Variants in SRPK2 observed in about 807,000 individuals in gnomAD.
The protein encoded by SRPK2 is SRSF protein kinase 2, also known as SFRS protein kinase 2.
A neutral mutation model predicts 90.8 loss-of-function variants in SRPK2; 21 were observed. The ratio of observed to expected loss-of-function variants is 0.23; its 90% CI spans 0.16 to 0.33. SRPK2 has a LOEUF of 0.33. SRPK2 is among the 10% of genes least tolerant of loss of function. The pLI is 1.00. For synonymous variants in SRPK2, 288 were observed against 311.1 expected (o/e 0.93, Z 0.78); for missense variants, 620 against 869.0 (o/e 0.71, Z 3.60).
chr7:105,289,207 G>A (rs1315493296), intron 2 of SRPK2, among the ~76,000 whole-genome samples: 1 of 151,380 alleles, frequency 6.6e-6, no homozygotes, highest in Admixed American at 6.6e-5. Context: ...CCAGGAGGTG[G>A]AGCTTGCAGT....
At chr7:105,204,823 T>C (rs1178756898) in intron 2 of SRPK2, 6 of 496,568 alleles carry the variant, frequency 1.2e-5, no homozygotes, top group South Asian at 3.4e-5. Context: ...TTTAAGGGTA[T>C]AGCCGTTGTC....
intron 2 of SRPK2, among the ~76,000 whole-genome samples, chr7:105,376,526 CT>C (rs1047057083): frequency 2.0e-5 from 3 of 151,094 alleles, no homozygotes; most frequent in East Asian, 2.0e-4. Flanking sequence ...CCTTGCCATC[CT>C]TTTTTTCTTT....
chr7:105,123,709 CAT>C (rs1311582709), intron 15 of SRPK2, among the ~76,000 whole-genome samples: 1 of 152,116 alleles, frequency 6.6e-6, no homozygotes, highest in Non-Finnish European at 1.5e-5. Flanking sequence ...CCTCATTCCT[CAT>C]AATGTTATCC....
intron 7 of SRPK2, among the ~76,000 whole-genome samples, chr7:105,153,362 T>C (rs1025023682): frequency 6.6e-6 from 1 of 152,166 alleles, no homozygotes; most frequent in African/African-American, 2.4e-5. Flanking sequence ...ATCTTCAAAA[T>C]AAGGGGCTTG....
intron 2 of SRPK2, among the ~76,000 whole-genome samples, chr7:105,280,117 T>TC (rs1338120908): frequency 6.6e-6 from 1 of 152,188 alleles, no homozygotes; most frequent in Non-Finnish European, 1.5e-5. Flanking sequence ...TATTGGGATG[T>TC]ACAAAGTCAA....
chr7:105,142,389 A>C lies in SRPK2; in HGVS notation c.1162T>G (p.Trp388Gly), dbSNP rs753844652. The change falls in exon 11 of 16, where the codon TGG (tryptophan) becomes GGG (glycine). Residue 388 changes from tryptophan (W) to glycine (G), a missense_variant. Physicochemically the swap from Trp to Gly is radical, Grantham distance 184. Around this residue, in one of 8 missense-constraint regions of SRPK2, gnomAD observed 243 missense variants for 245.7 expected, o/e 0.99. Transcript: ENST00000393651. ...DQELANIDPT[W>G]IESPKTNGHI... ...CCATTGGTTTTAGGTGATTCTATCC[A>C]CGTAGGGTCTATGTTCGCAAGTTCC... 5 of 1,614,086 alleles carry C rather than the reference A, an allele frequency of 3.1e-6. No homozygotes were observed. In the South Asian group the frequency reaches 5.5e-5, roughly 18 times the overall value.
chr7:105,203,722 C>G lies in SRPK2; in HGVS notation c.135G>C (p.Pro45=), dbSNP rs202128417. 1.1e-4 allele frequency: 119 copies of G among 1,087,448 alleles called. No individual in the cohort carries two copies. In the African/African-American group the frequency reaches 1.5e-3, roughly 14 times the overall value. 67.4% of individuals were successfully genotyped at this position (1,087,448 alleles called of 1,614,324 possible). A position where few individuals can be genotyped will look rare whatever the true frequency, so the allele number is the denominator to read the frequency against. The change falls in exon 3 of 16, where the codon CCG becomes CCC. Residue 45 remains proline, a synonymous_variant. Transcript: ENST00000393651. ...GGGGTGTGGGGTCTGGCAAAGGTGG[C>G]GGTGGTGGTGGTGGTGGCGGTGGAG... The part of the protein sequence containing the change: ...PPPPPPPPPP[P]PPLPDPTPPE...
At chr7:105,261,857 G>C (rs1217762424) in intron 2 of SRPK2, among the ~76,000 whole-genome samples, 1 of 152,126 alleles carries the variant, frequency 6.6e-6, no homozygotes, top group Non-Finnish European at 1.5e-5. Context: ...AGAAGTACAT[G>C]GTACTGTAAT....
chr7:105,233,722 T>G (rs974706861), intron 2 of SRPK2, among the ~76,000 whole-genome samples: 13 of 152,090 alleles, frequency 8.5e-5, no homozygotes, highest in Non-Finnish European at 1.8e-4. Context: ...TAGCCAGGCA[T>G]GGTGGTGTGC....
chr7:105,167,291 C>T lies in SRPK2; in HGVS notation c.514+86G>A, dbSNP rs540133299. The T allele has an allele frequency of 4.7e-6, 5 of 1,056,898 alleles. No homozygotes were observed. The African/African-American group carries it at 6.3e-5, about 13-fold the overall frequency. The allele number at this position is 1,056,898 out of a possible 1,614,324, so 65.5% of individuals were successfully genotyped here. ...TAGAGTGTTTATGTTGAAGGTGATA[C>T]AGCAGTAAACAGAGATTATAGGAGC... On this transcript the variant is annotated intron_variant, in intron 6 of 15. Transcript: ENST00000393651.
chr7:105,152,907 G>A lies in SRPK2; in HGVS notation c.622-6249C>T, dbSNP rs886391082. Among the ~76,000 whole-genome samples the A allele has an allele frequency of 3.3e-5, 5 of 152,220 alleles. No homozygotes were observed. The East Asian group carries it at 9.7e-4, about 29-fold the overall frequency. On this transcript the variant is annotated intron_variant, in intron 7 of 15. Coordinates refer to ENST00000393651, the MANE Select transcript of SRPK2 (RefSeq NM_182692.3). ...AAATTAGCTGGGTGTGGTGGTGCAT[G>A]CCTGTAATCCCAGCTATTCAGGAGT...
intron 2 of SRPK2, among the ~76,000 whole-genome samples, chr7:105,312,214 G>T (rs575217111): frequency 1.1e-4 from 17 of 152,264 alleles, no homozygotes; most frequent in African/African-American, 4.1e-4. Flanking sequence ...GGCCAAGGTG[G>T]GGGGATCACA....
rs1241005202 is a variant in SRPK2, at chr7:105,263,142, GC to G, written c.72-59358del. Among the ~76,000 whole-genome samples the G allele has an allele frequency of 2.0e-5, 3 of 152,062 alleles. No homozygotes were observed. In the East Asian group the frequency reaches 5.8e-4, roughly 29 times the overall value. ...GTTTGAGACCAGCCTGGCCAACAAG[GC>G]AAAACCCCGTGTCTACTAAAAATAC... On this transcript the variant is annotated intron_variant, in intron 2 of 15. Transcript: ENST00000393651.
chr7:105,148,114 A>G (rs905119340), intron 7 of SRPK2, among the ~76,000 whole-genome samples: 2 of 152,210 alleles, frequency 1.3e-5, no homozygotes, highest in African/African-American at 4.8e-5. Flanking sequence ...ACCATTTTAC[A>G]TTCCTATCAC....
chr7:105,216,281 T>C (rs1797452325), intron 2 of SRPK2, among the ~76,000 whole-genome samples: 1 of 152,208 alleles, frequency 6.6e-6, no homozygotes. Flanking sequence ...CAGAGCACTG[T>C]GTATGCTATG....
At chr7:105,303,986 A>G (rs1489746411) in intron 2 of SRPK2, among the ~76,000 whole-genome samples, 1 of 152,244 alleles carries the variant, frequency 6.6e-6, no homozygotes. Flanking sequence ...GTTGACTTCA[A>G]AAGTTTTCAT....
Position 105,317,216 on chromosome 7 carries a change from C to G in SRPK2, c.71+71432G>C, listed in dbSNP as rs76846461. Reference sequence around the variant, plus strand: ...ATAAAAAGAATGGTGGATTAAGCTGCTGGCATCTTAGCACAAATCAATGTG... The same window carrying G: ...ATAAAAAGAATGGTGGATTAAGCTGGTGGCATCTTAGCACAAATCAATGTG... On this transcript the variant is annotated intron_variant, in intron 2 of 15. Transcript: ENST00000393651. Among the ~76,000 whole-genome samples, 776 of 152,326 alleles carry G rather than the reference C, an allele frequency of 5.1e-3. 12 individuals carry two copies. The East Asian group carries it at 0.055, about 11-fold the overall frequency.
rs1332902916 is a variant in SRPK2 at position 105,169,223 on chromosome 7, C to T, written c.272G>A (p.Arg91Gln). Residue 91 changes from arginine to glutamine, a missense_variant, in exon 4 of 16, where the codon CGG (arginine) becomes CAG (glutamine). By Grantham distance (43) the Arg-to-Gln change is conservative. Around this residue, in one of 8 missense-constraint regions of SRPK2, gnomAD observed 196 missense variants for 339.2 expected, o/e 0.58. Coordinates refer to ENST00000393651, the MANE Select transcript of SRPK2 (RefSeq NM_182692.3). ...PVKIGDLFNG[R>Q]YHVIRKLGWG... ...TCCAAGCTTTCTAATAACATGATAC[C>T]GGCCATTGAAGAGGTCTCCAATTTT... The T allele has an allele frequency of 2.5e-6, 4 of 1,613,830 alleles. No homozygotes were observed. Among genetic ancestry groups the T allele is most frequent in the South Asian group, 1.1e-5 (1 of 91,066 alleles).
chr7:105,168,169 G>T, intron 4 of SRPK2, 74 bp from the exon 5 acceptor site: 2 of 1,254,184 alleles, frequency 1.6e-6, no homozygotes, highest in Non-Finnish European at 2.2e-6. Context: ...TCCAGGTTGA[G>T]CATCCCTAAT....
Sources: gnomAD v4.1 joint callset for allele counts (sites outside exome capture counted in the v4.1 genomes callset) on GRCh38, gnomAD v4.1.1 for gene constraint, gnomAD v4.1.1 regional missense constraint, MANE v1.5 for transcripts, NCBI Gene and HGNC (gene_info 2026-07-23, HGNC 2026-07-21) for gene names.